Variants in STEAP1B observed in about 807,000 individuals in gnomAD.
STEAP1B encodes STEAP family protein MGC87042.
STEAP1B carries 13 observed loss-of-function variants against 27.9 expected under a neutral mutation model. The ratio of observed to expected loss-of-function variants is 0.47; its 90% CI spans 0.30 to 0.74. The LOEUF is 0.74. Ranked by LOEUF, STEAP1B falls within the 30% of genes least tolerant of loss-of-function variation. STEAP1B has a pLI of 0.06. For synonymous variants in STEAP1B, 86 were observed against 107.1 expected, an observed-to-expected ratio of 0.80 and a Z score of 1.22; for missense variants, 250 against 298.7, an observed-to-expected ratio of 0.84 and a Z score of 1.20.
At chr7:22,482,317 C>T (rs777956875) in intron 4 of STEAP1B, among the ~76,000 whole-genome samples, 12 of 152,136 alleles carry the variant, frequency 7.9e-5, no homozygotes, top group Non-Finnish European at 1.2e-4. Context: ...ATAGAGGATG[C>T]CCTATTAAAT....
intron 4 of STEAP1B, among the ~76,000 whole-genome samples, chr7:22,468,748 T>C (rs1422920944): frequency 6.6e-6 from 1 of 152,226 alleles, no homozygotes; most frequent in African/African-American, 2.4e-5. Context: ...ACTGCATATA[T>C]GATGGCAGTA....
At chr7:22,453,168 T>C (rs1785518325) in intron 4 of STEAP1B, among the ~76,000 whole-genome samples, 1 of 152,168 alleles carries the variant, frequency 6.6e-6, no homozygotes, top group South Asian at 2.1e-4. Flanking sequence ...CAAAAATCAT[T>C]CTGTTGGCTT....
At chr7:22,430,870 T>C (rs1217161378) in intron 4 of STEAP1B, among the ~76,000 whole-genome samples, 1 of 152,252 alleles carries the variant, frequency 6.6e-6, no homozygotes, top group African/African-American at 2.4e-5. Context: ...CAATCTGGTC[T>C]ACAACAGACA....
chr7:22,472,371 G>C (rs1314611445), intron 4 of STEAP1B, among the ~76,000 whole-genome samples: 2 of 152,198 alleles, frequency 1.3e-5, no homozygotes, highest in Non-Finnish European at 2.9e-5. Context: ...AGGCAGGCCG[G>C]ACACTCCTTG....
chr7:22,437,242 A>T (rs536774090), intron 4 of STEAP1B, among the ~76,000 whole-genome samples: 2 of 152,282 alleles, frequency 1.3e-5, no homozygotes, highest in African/African-American at 4.8e-5. Flanking sequence ...CTTTATACCC[A>T]CTAGTACCTC....
intron 4 of STEAP1B, among the ~76,000 whole-genome samples, chr7:22,432,728 C>T (rs1562566225): frequency 6.6e-6 from 1 of 152,178 alleles, no homozygotes; most frequent in Non-Finnish European, 1.5e-5. Context: ...CCTTCCTAAA[C>T]CTTGACTAGT....
chr7:22,498,200 A>G (rs1387980172), intron 1 of STEAP1B, among the ~76,000 whole-genome samples: 1 of 152,184 alleles, frequency 6.6e-6, no homozygotes, highest in Non-Finnish European at 1.5e-5. Context: ...GTCTGCGGCC[A>G]GGGGGTTGGG....
intron 4 of STEAP1B, among the ~76,000 whole-genome samples, chr7:22,479,200 G>C (rs762345803): frequency 6.6e-6 from 1 of 152,204 alleles, no homozygotes; most frequent in Non-Finnish European, 1.5e-5. Flanking sequence ...GGGGCTTGCT[G>C]GGTGGGACTG....
chr7:22,494,751 T>C, intron 2 of STEAP1B, 21 bp downstream of exon 2: 1 of 1,368,484 alleles, frequency 7.3e-7, no homozygotes, highest in African/African-American at 1.5e-5. Context: ...TTATTTATTA[T>C]TGTCATTATT....
chr7:22,427,309 G>C (rs753142103), intron 4 of STEAP1B, among the ~76,000 whole-genome samples: 10 of 152,222 alleles, frequency 6.6e-5, no homozygotes, highest in Non-Finnish European at 1.3e-4. Flanking sequence ...AATGATTTAT[G>C]ACTGACACAA....
At chr7:22,438,258 G>C (rs938317612) in intron 4 of STEAP1B, among the ~76,000 whole-genome samples, 1 of 152,140 alleles carries the variant, frequency 6.6e-6, no homozygotes, top group African/African-American at 2.4e-5. Context: ...AAAGTCATAC[G>C]CACTGCTTCT....
chr7:22,459,447 T>G (rs1019507929), intron 4 of STEAP1B, among the ~76,000 whole-genome samples: 2 of 152,332 alleles, frequency 1.3e-5, no homozygotes, highest in East Asian at 1.9e-4. Flanking sequence ...AAACCTTATG[T>G]TGGCAAAAGG....
chr7:22,491,833 A>G (rs1786328169), intron 4 of STEAP1B, among the ~76,000 whole-genome samples: 1 of 152,158 alleles, frequency 6.6e-6, no homozygotes, highest in South Asian at 2.1e-4. Context: ...ATCCAAGTTG[A>G]GTTTTACTGA....
At chr7:22,471,008 C>T (rs1313322489) in intron 4 of STEAP1B, among the ~76,000 whole-genome samples, 1 of 152,134 alleles carries the variant, frequency 6.6e-6, no homozygotes, top group Non-Finnish European at 1.5e-5. Flanking sequence ...TACCAATAAA[C>T]GATTTCCCTG....
At chr7:22,463,972 A>AAAGAGCATCTGCACAGC (rs1785726049) in intron 4 of STEAP1B, among the ~76,000 whole-genome samples, 1 of 151,978 alleles carries the variant, frequency 6.6e-6, no homozygotes, top group Non-Finnish European at 1.5e-5. Flanking sequence ...TAATTAAACT[A>AAAGAGCATCTGCACAGC]AAGAGCATCT....
intron 4 of STEAP1B, chr7:22,438,631 G>A (rs958296698): frequency 1.3e-6 from 2 of 1,551,996 alleles, no homozygotes; most frequent in African/African-American, 2.7e-5. Context: ...AGTCTTGGAA[G>A]GTGGTGGGAA....
At chr7:22,475,856 G>A (rs1233860114) in intron 4 of STEAP1B, among the ~76,000 whole-genome samples, 1 of 152,192 alleles carries the variant, frequency 6.6e-6, no homozygotes, top group Non-Finnish European at 1.5e-5. Context: ...AGGTTATTAG[G>A]GAAAGGGTGC....
At chr7:22,467,931 C>T (rs1267288106) in intron 4 of STEAP1B, among the ~76,000 whole-genome samples, 1 of 152,300 alleles carries the variant, frequency 6.6e-6, no homozygotes, top group East Asian at 1.9e-4. Context: ...GCAAAGAGTT[C>T]CAATCCTCTT....
In STEAP1B at chr7:22,493,654, A is replaced by T; in HGVS notation, c.267T>A (p.Thr89=). The T allele has an allele frequency of 6.2e-7, 1 of 1,614,006 alleles. No individual in the cohort carries two copies. Among genetic ancestry groups the T allele is most frequent in the Non-Finnish European group, 8.5e-7 (1 of 1,179,872 alleles). The change falls in exon 3 of 5, where the codon ACT becomes ACA. Residue 89 remains threonine (T), a synonymous_variant. Coordinates refer to ENST00000678116, the MANE Select transcript of STEAP1B (RefSeq NM_001382447.1). ...AAGGGTGAATTACTTCCCTCAGAAGAGTGTAAAGAAAAGTCAGAGATGCCA... is the reference window on the plus strand; with the variant it reads ...AAGGGTGAATTACTTCCCTCAGAAGTGTGTAAAGAAAAGTCAGAGATGCCA... The part of the protein sequence containing the change: ...AVMASLTFLY[T]LLREVIHPLA...
Sources: allele counts gnomAD v4.1 joint callset (sites outside exome capture counted in the v4.1 genomes callset), GRCh38; gene constraint gnomAD v4.1.1; transcripts MANE v1.5; gene names NCBI Gene and HGNC (gene_info 2026-07-23, HGNC 2026-07-21).